TMEM232: variants seen among roughly 807,000 people sequenced by gnomAD.
TMEM232 encodes transmembrane protein 232.
In TMEM232, 80 loss-of-function variants were observed where a neutral mutation model predicts 78.8. The ratio of observed to expected loss-of-function variants is 1.01; its 90% CI spans 0.85 to 1.22. The LOEUF is 1.22. Among genes scored for constraint, TMEM232 ranks in the 50% most tolerant of loss-of-function variants. The probability of loss-of-function intolerance (pLI) is 0.00; values close to 1 mark genes in which losing one functional copy is unlikely to be tolerated. For missense variants in TMEM232, 881 were observed against 742.2 expected, an observed-to-expected ratio of 1.19 and a Z score of -2.17; for synonymous variants, 297 against 254.3, an observed-to-expected ratio of 1.17 and a Z score of -1.60.
At chr5:110,651,551 G>T (rs955456546) in intron 2 of TMEM232, among the ~76,000 whole-genome samples, 3 of 151,970 alleles carry the variant, frequency 2.0e-5, no homozygotes, top group Non-Finnish European at 4.4e-5. Context: ...TTCTCTCAGG[G>T]TATTTAAACC....
intron 12 of TMEM232, among the ~76,000 whole-genome samples, chr5:110,513,148 T>G (rs909136042): frequency 3.3e-5 from 5 of 152,178 alleles, no homozygotes; most frequent in African/African-American, 1.2e-4. Context: ...GAAATTGATT[T>G]ATCTCCAAGG....
chr5:110,409,309 C>G (rs982884989), intron 2 of TMEM232, among the ~76,000 whole-genome samples: 1 of 152,102 alleles, frequency 6.6e-6, no homozygotes. Flanking sequence ...TTCAACACAA[C>G]TTATATGGAG....
At chr5:110,511,739 G>A (rs554873491) in intron 12 of TMEM232, among the ~76,000 whole-genome samples, 49 of 152,180 alleles carry the variant, frequency 3.2e-4, no homozygotes, top group African/African-American at 6.7e-4. Context: ...AGTACTTCAC[G>A]TCTCTGATTA....
intron 12 of TMEM232, among the ~76,000 whole-genome samples, chr5:110,524,896 T>A (rs1232478630): frequency 6.6e-6 from 1 of 152,106 alleles, no homozygotes; most frequent in Non-Finnish European, 1.5e-5. Context: ...TATATAATGA[T>A]CTCTGTTTTT....
intron 12 of TMEM232, among the ~76,000 whole-genome samples, chr5:110,429,340 T>A (rs1450759041): frequency 6.6e-6 from 1 of 151,870 alleles, no homozygotes; most frequent in Non-Finnish European, 1.5e-5. Context: ...CATGTTCAGT[T>A]TCTTTAACAG....
intron 2 of TMEM232, among the ~76,000 whole-genome samples, chr5:110,663,127 T>C (rs968268177): frequency 4.6e-4 from 70 of 152,030 alleles, no homozygotes; most frequent in Admixed American, 2.0e-4. Flanking sequence ...TTGAAAATAA[T>C]TGAAATGTCC....
At chr5:110,524,943 T>C (rs1309947186) in intron 12 of TMEM232, among the ~76,000 whole-genome samples, 2 of 152,098 alleles carry the variant, frequency 1.3e-5, no homozygotes, top group Non-Finnish European at 2.9e-5. Context: ...TTTTATCTAA[T>C]GTAAGTATAG....
At chr5:110,622,265 A>G (rs1280235016) in intron 7 of TMEM232, among the ~76,000 whole-genome samples, 1 of 152,228 alleles carries the variant, frequency 6.6e-6, no homozygotes, top group Non-Finnish European at 1.5e-5. Context: ...GTATTACAGA[A>G]TGAGATTGCT....
chr5:110,651,670 C>G (rs1044796306), intron 2 of TMEM232, among the ~76,000 whole-genome samples: 1 of 152,038 alleles, frequency 6.6e-6, no homozygotes, highest in African/African-American at 2.4e-5. Flanking sequence ...ACTGAGACTG[C>G]TGTTCAGAGA....
intron 1 of TMEM232, among the ~76,000 whole-genome samples, chr5:110,689,525 G>C (rs1459177666): frequency 6.6e-6 from 1 of 152,076 alleles, no homozygotes; most frequent in Non-Finnish European, 1.5e-5. Context: ...GACAAGATAG[G>C]AAGAATCAAT....
intron 7 of TMEM232, among the ~76,000 whole-genome samples, chr5:110,619,089 T>G (rs1437369988): frequency 6.6e-6 from 1 of 152,186 alleles, no homozygotes; most frequent in East Asian, 1.9e-4. Flanking sequence ...TTAGAGTGCT[T>G]CCCAACAGTT....
rs1784611248 is a variant in TMEM232 at position 110,627,795 on chromosome 5, T to G, written c.587A>C (p.Gln196Pro). ...AGATATTCTACCGTATAAATATGGTTGAAGCCTAAGTAAATGTTGTTTAAA... is the reference window on the plus strand; with the variant it reads ...AGATATTCTACCGTATAAATATGGTGGAAGCCTAAGTAAATGTTGTTTAAA... Reference protein sequence around the residue: ...ESFKQHLLRLQPYLYALSFSG... With the variant: ...ESFKQHLLRLPPYLYALSFSG... The change falls in exon 6 of 14, where the codon CAA (glutamine) becomes CCA (proline). Residue 196 changes from glutamine (Q) to proline (P), a missense_variant. Physicochemically the swap from Gln to Pro is moderately conservative, Grantham distance 76. Transcript: ENST00000455884. 6.6e-7 allele frequency: 1 copy of G among 1,517,786 alleles called. No homozygotes were observed. The highest frequency in any genetic ancestry group is 2.5e-5 in the East Asian group (1 of 40,480). The allele number at this position is 1,517,786 out of a possible 1,614,324, so 94.0% of individuals were successfully genotyped here.
At chr5:110,536,308 CAGCAGCTGTTTCCT>C (rs1340428391) in intron 11 of TMEM232, among the ~76,000 whole-genome samples, 3 of 152,164 alleles carry the variant, frequency 2.0e-5, no homozygotes, top group African/African-American at 7.2e-5. Context: ...TTCAGTATTT[CAGCAGCTGTTTCCT>C]AGCAGCTCCT....
intron 1 of TMEM232, among the ~76,000 whole-genome samples, chr5:110,693,090 C>T (rs1344587082): frequency 6.6e-6 from 1 of 152,180 alleles, no homozygotes; most frequent in Non-Finnish European, 1.5e-5. Context: ...TGGCCGGGTA[C>T]TCCTCTGAGA....
chr5:110,518,122 TACTC>T (rs1315678573), intron 12 of TMEM232, among the ~76,000 whole-genome samples: 1 of 124,394 alleles, frequency 8.0e-6, no homozygotes, highest in Non-Finnish European at 1.5e-5. Context: ...CCTCTATGTC[TACTC>T]TCTCTCTCTC....
At chr5:110,424,743 TC>T (rs1757056260) in intron 13 of TMEM232, 79 bp downstream of exon 13, 2 of 1,124,430 alleles carry the variant, frequency 1.8e-6, no homozygotes, top group South Asian at 3.1e-5. Context: ...AAGGTTTCAG[TC>T]TCAGAACTAC....
chr5:110,675,399 G>A (rs192949860), intron 1 of TMEM232, among the ~76,000 whole-genome samples: 1 of 152,228 alleles, frequency 6.6e-6, no homozygotes, highest in East Asian at 1.9e-4. Flanking sequence ...GTAGGTAATC[G>A]CTTGGAGTAG....
intron 1 of TMEM232, among the ~76,000 whole-genome samples, chr5:110,690,869 C>G (rs1179940057): frequency 6.6e-6 from 1 of 151,924 alleles, no homozygotes; most frequent in Non-Finnish European, 1.5e-5. Flanking sequence ...CAAACTAACA[C>G]AGGAACAGAA....
intron 2 of TMEM232, among the ~76,000 whole-genome samples, chr5:110,404,856 T>C (rs1043568529): frequency 6.6e-6 from 1 of 151,928 alleles, no homozygotes; most frequent in Non-Finnish European, 1.5e-5. Flanking sequence ...GTAGGCCTGA[T>C]GTTGATGAAG....
Sources: gnomAD v4.1 joint callset for allele counts (sites outside exome capture counted in the v4.1 genomes callset) on GRCh38, gnomAD v4.1.1 for gene constraint, MANE v1.5 for transcripts, NCBI Gene and HGNC (gene_info 2026-07-23, HGNC 2026-07-21) for gene names.